The following RCAN2 variants were observed in gnomAD, a reference collection of about 807,000 sequenced individuals.
RCAN2 encodes regulator of calcineurin 2.
RCAN2 carries 9 observed loss-of-function variants against 23.6 expected under a neutral mutation model. The ratio of observed to expected loss-of-function variants is 0.38; its 90% confidence interval spans 0.23 to 0.67. The LOEUF (loss-of-function observed/expected upper bound fraction) is 0.67, where lower values mean the gene tolerates loss of function less well. Among genes scored for constraint, RCAN2 ranks in the 30% least tolerant of loss-of-function variants. The pLI, the probability that RCAN2 is intolerant of heterozygous loss-of-function variation, is 0.51. For synonymous variants in RCAN2, 109 were observed against 115.7 expected (o/e 0.94, Z 0.37); for missense variants, 273 against 302.3 (o/e 0.90, Z 0.72).
chr6:46,379,019 T>C (rs909809422), intron 2 of RCAN2, among the ~76,000 whole-genome samples: 6 of 152,346 alleles, frequency 3.9e-5, no homozygotes, highest in African/African-American at 1.4e-4. Flanking sequence ...CAGAGTACTG[T>C]AGCCAAATGA....
intron 1 of RCAN2, among the ~76,000 whole-genome samples, 192 bp from the exon 2 acceptor site, chr6:46,457,170 A>C (rs897744730): frequency 2.6e-5 from 4 of 152,198 alleles, no homozygotes; most frequent in African/African-American, 7.2e-5. Context: ...TTTCCCATAC[A>C]GCTCTGCTCT....
At chr6:46,291,141 T>C (rs900414663) in intron 2 of RCAN2, among the ~76,000 whole-genome samples, 1 of 152,144 alleles carries the variant, frequency 6.6e-6, no homozygotes, top group African/African-American at 2.4e-5. Context: ...AGGGGAAGCT[T>C]CCGTGATGAA....
rs1050353361 is a variant in RCAN2 at position 46,287,131 on chromosome 6, T to C, written c.226-38235A>G. ...TGCCATGGTGGAGAATGGGAAGAGG[T>C]CCTTCAGGTAGGCACAAAACTTTGC... On this transcript the variant is annotated intron_variant, in intron 2 of 4. Transcript: ENST00000371374. Among the ~76,000 whole-genome samples, 29 of 151,818 alleles carry C rather than the reference T, an allele frequency of 1.9e-4. 1 individual carries two copies.
intron 4 of RCAN2, among the ~76,000 whole-genome samples, chr6:46,233,715 A>G (rs1765983498): frequency 6.8e-6 from 1 of 147,334 alleles, no homozygotes; most frequent in Non-Finnish European, 1.5e-5. Flanking sequence ...GAGATGAAGA[A>G]CACTTCTTTT....
chr6:46,384,344 T>C (rs754803889), intron 2 of RCAN2, among the ~76,000 whole-genome samples: 1 of 152,214 alleles, frequency 6.6e-6, no homozygotes, highest in East Asian at 1.9e-4. Context: ...CAATATATTA[T>C]ACATATTCAA....
At chr6:46,318,102 T>C (rs112112412) in intron 2 of RCAN2, among the ~76,000 whole-genome samples, 1,564 of 152,358 alleles carry the variant, frequency 0.01, 21 homozygotes, top group African/African-American at 0.035. Flanking sequence ...TTTGTCACCA[T>C]GTGGTGACAT....
intron 2 of RCAN2, among the ~76,000 whole-genome samples, chr6:46,381,524 A>T (rs1159959137): frequency 6.6e-6 from 1 of 152,210 alleles, no homozygotes; most frequent in East Asian, 1.9e-4. Flanking sequence ...ATATAAGCTG[A>T]GTTGTGTTTC....
intron 2 of RCAN2, among the ~76,000 whole-genome samples, chr6:46,378,097 C>T (rs1487449255): frequency 6.6e-6 from 1 of 152,194 alleles, no homozygotes; most frequent in African/African-American, 2.4e-5. Flanking sequence ...TAGCTAATTT[C>T]TTGCAATTAA....
chr6:46,431,212 A>C (rs568781468), intron 2 of RCAN2, among the ~76,000 whole-genome samples: 51 of 151,962 alleles, frequency 3.4e-4, no homozygotes, highest in Admixed American at 1.7e-3. Flanking sequence ...TAAAAAAAAA[A>C]ACTATTTTTT....
At chr6:46,282,692 T>C (rs1436186026) in intron 2 of RCAN2, among the ~76,000 whole-genome samples, 1 of 152,216 alleles carries the variant, frequency 6.6e-6, no homozygotes, top group African/African-American at 2.4e-5. Context: ...TATGATTCAA[T>C]GATGGCCCCA....
chr6:46,442,498 ACTGCTT>A (rs796919584), intron 2 of RCAN2, among the ~76,000 whole-genome samples: 50 of 152,300 alleles, frequency 3.3e-4, no homozygotes, highest in African/African-American at 1.2e-3. Context: ...ATGCCTTAAG[ACTGCTT>A]CTGCTCATTT....
intron 2 of RCAN2, among the ~76,000 whole-genome samples, chr6:46,362,366 T>C (rs1199366282): frequency 6.6e-6 from 1 of 152,102 alleles, no homozygotes; most frequent in East Asian, 1.9e-4. Flanking sequence ...TAAGGTAATA[T>C]GAGGTATTGG....
chr6:46,285,899 G>A lies in RCAN2; in HGVS notation c.226-37003C>T, dbSNP rs183731228. On this transcript the variant is annotated intron_variant, in intron 2 of 4. Transcript: ENST00000371374. Reference sequence around the variant, plus strand: ...GTTATGCCATTTACACAGATGTTAGGTAAGGAGCCCATTCTTTGGGTCACT... The same window carrying A: ...GTTATGCCATTTACACAGATGTTAGATAAGGAGCCCATTCTTTGGGTCACT... Among the ~76,000 whole-genome samples, 1,253 of 152,232 alleles carry A rather than the reference G, an allele frequency of 8.2e-3. 6 individuals carry two copies. The highest frequency in any genetic ancestry group is 0.013 in the Non-Finnish European group (897 of 68,022).
At chr6:46,417,712 A>G (rs1273069866) in intron 2 of RCAN2, among the ~76,000 whole-genome samples, 1 of 152,130 alleles carries the variant, frequency 6.6e-6, no homozygotes, top group African/African-American at 2.4e-5. Flanking sequence ...AACATATTCA[A>G]TTTCATTTGG....
Position 46,338,984 on chromosome 6 carries a change from C to T in RCAN2, c.226-90088G>A, listed in dbSNP as rs1333012090. Among the ~76,000 whole-genome samples the T allele has an allele frequency of 3.2e-5, 4 of 126,562 alleles. No individual in the cohort carries two copies. In the East Asian group the frequency reaches 1.0e-3, roughly 33 times the overall value. 83.0% of individuals were successfully genotyped at this position (126,562 alleles called of 152,430 possible). On this transcript the variant is annotated intron_variant, in intron 2 of 4. Coordinates refer to ENST00000371374, the MANE Select transcript of RCAN2 (RefSeq NM_001251974.2). ...GAGCCAAGCTCATGCCACTAGACTCCAGCCTGGGTGACAAAGCGAGACCCT... is the reference window on the plus strand; with the variant it reads ...GAGCCAAGCTCATGCCACTAGACTCTAGCCTGGGTGACAAAGCGAGACCCT...
rs6938747 is a variant in RCAN2, at chr6:46,437,251, A to G, written c.225+19501T>C. On this transcript the variant is annotated intron_variant, in intron 2 of 4. Coordinates refer to ENST00000371374, the MANE Select transcript of RCAN2 (RefSeq NM_001251974.2). Reference sequence around the variant, plus strand: ...GCTCAATCCTTTTTAATGCCCTGCCATCAAGTTCCAATACAGTTTACAGTT... The same window carrying G: ...GCTCAATCCTTTTTAATGCCCTGCCGTCAAGTTCCAATACAGTTTACAGTT... Among the ~76,000 whole-genome samples the G allele has an allele frequency of 3.3e-3, 498 of 152,330 alleles. 2 individuals carry two copies. The highest frequency in any genetic ancestry group is 0.012 in the African/African-American group (481 of 41,578).
intron 2 of RCAN2, among the ~76,000 whole-genome samples, chr6:46,435,436 T>C (rs1487795810): frequency 6.6e-6 from 1 of 152,216 alleles, no homozygotes; most frequent in African/African-American, 2.4e-5. Flanking sequence ...CTCAAAGTAC[T>C]TAATGAATAT....
chr6:46,453,507 A>G (rs556405951), intron 2 of RCAN2, among the ~76,000 whole-genome samples: 16 of 152,370 alleles, frequency 1.1e-4, no homozygotes, highest in South Asian at 2.1e-4. Flanking sequence ...GTTTTTTAAC[A>G]TGTGCTTTAG....
rs28733257 is a variant in RCAN2, at chr6:46,333,580, C to A, written c.226-84684G>T. Among the ~76,000 whole-genome samples the A allele has an allele frequency of 1.1e-4, 17 of 152,330 alleles. 1 individual carries two copies. Among genetic ancestry groups the A allele is most frequent in the Admixed American group, 5.2e-4 (8 of 15,308 alleles). On this transcript the variant is annotated intron_variant, in intron 2 of 4. Coordinates refer to ENST00000371374, the MANE Select transcript of RCAN2 (RefSeq NM_001251974.2). ...AAATGCCTATGTAATTTTGCTAGCT[C>A]TTGCCAAATTTTTCTCCACAGGAAT...
Sources: gnomAD v4.1 joint callset for allele counts (sites outside exome capture counted in the v4.1 genomes callset) on GRCh38, gnomAD v4.1.1 for gene constraint, MANE v1.5 for transcripts, NCBI Gene and HGNC (gene_info 2026-07-23, HGNC 2026-07-21) for gene names.